SLC14A2: variants seen among roughly 807,000 people sequenced by gnomAD.
The protein encoded by SLC14A2 is solute carrier family 14 member 2, also known as urea transporter 2.
In SLC14A2, 91 loss-of-function variants were observed where a neutral mutation model predicts 104.6. The observed-to-expected ratio is 0.87, with a 90% CI of 0.73 to 1.04. The LOEUF (loss-of-function observed/expected upper bound fraction) is 1.04, where lower values mean the gene tolerates loss of function less well. Ranked by LOEUF, SLC14A2 falls within the 50% of genes least tolerant of loss-of-function variation. The pLI, the probability that SLC14A2 is intolerant of heterozygous loss-of-function variation, is 0.00. For synonymous variants in SLC14A2, 476 were observed against 466.4 expected (o/e 1.02, Z -0.27); for missense variants, 1,189 against 1,156.0 (o/e 1.03, Z -0.41).
At chr18:45,414,772 A>G (rs1424361051) in intron 1 of SLC14A2, among the ~76,000 whole-genome samples, 2 of 71,558 alleles carry the variant, frequency 2.8e-5, no homozygotes, top group Non-Finnish European at 5.9e-5. Flanking sequence ...ATATATATAT[A>G]TATATATATA....
At chr18:45,505,306 C>T (rs2043264760) in intron 2 of SLC14A2, among the ~76,000 whole-genome samples, 1 of 152,092 alleles carries the variant, frequency 6.6e-6, no homozygotes, top group African/African-American at 2.4e-5. Context: ...CCTGCCACAT[C>T]CTTGTGACAG....
intron 1 of SLC14A2, among the ~76,000 whole-genome samples, chr18:45,315,256 C>G (rs17815795): frequency 0.015 from 2,325 of 152,122 alleles, 32 homozygotes; most frequent in South Asian, 0.026. Flanking sequence ...ATCAAAGGCA[C>G]CAGAAAAGGC....
At chr18:45,272,892 C>T (rs570461709) in intron 1 of SLC14A2, among the ~76,000 whole-genome samples, 1 of 152,192 alleles carries the variant, frequency 6.6e-6, no homozygotes, top group South Asian at 2.1e-4. Flanking sequence ...ACCTACTGTG[C>T]ACACACAAAA....
intron 4 of SLC14A2, among the ~76,000 whole-genome samples, chr18:45,628,000 C>CAAAAAA (rs58009345): frequency 2.4e-4 from 20 of 83,474 alleles, no homozygotes; most frequent in Non-Finnish European, 2.7e-4. Context: ...AAGACTTTCT[C>CAAAAAA]AAAAAAAAAA....
chr18:45,258,714 A>C (rs1317711907), intron 1 of SLC14A2, among the ~76,000 whole-genome samples: 1 of 143,252 alleles, frequency 7.0e-6, no homozygotes, highest in African/African-American at 2.7e-5. Flanking sequence ...AACGTCATCC[A>C]CGTGGTCCTT....
chr18:45,626,837 G>T, intron 3 of SLC14A2, 121 bp from the exon 4 acceptor site: 2 of 631,818 alleles, frequency 3.2e-6, no homozygotes, highest in Non-Finnish European at 2.6e-6. Context: ...CCCCTGGCCT[G>T]GCTGAATGGG....
intron 1 of SLC14A2, among the ~76,000 whole-genome samples, chr18:45,384,287 T>C (rs571862032): frequency 6.6e-6 from 1 of 152,270 alleles, no homozygotes; most frequent in South Asian, 2.1e-4. Context: ...CTCCCGCAGT[T>C]GGTGATTTCA....
chr18:45,177,703 A>G, the SLC14A2 span, among the ~76,000 whole-genome samples: 1 of 152,088 alleles, frequency 6.6e-6, no homozygotes, highest in Admixed American at 6.6e-5. Context: ...ATTCACAACT[A>G]TATATTTGTG....
At chr18:45,254,265 A>G (rs546680082) in intron 1 of SLC14A2, among the ~76,000 whole-genome samples, 17 of 152,200 alleles carry the variant, frequency 1.1e-4, no homozygotes, top group Admixed American at 8.5e-4. Flanking sequence ...GTAAATTGTC[A>G]TGTCCTGTAT....
At chr18:45,473,633 T>C (rs1342607389) in intron 1 of SLC14A2, among the ~76,000 whole-genome samples, 1 of 152,202 alleles carries the variant, frequency 6.6e-6, no homozygotes, top group Non-Finnish European at 1.5e-5. Flanking sequence ...TTATTCTCTT[T>C]GTAGCAGTTG....
chr18:45,516,361 A>G (rs552621687), intron 2 of SLC14A2, among the ~76,000 whole-genome samples: 1 of 152,170 alleles, frequency 6.6e-6, no homozygotes, highest in African/African-American at 2.4e-5. Flanking sequence ...CCCCCTCCCA[A>G]ATTTGCCGCT....
chr18:45,583,637 C>A (rs2044528799), intron 2 of SLC14A2, among the ~76,000 whole-genome samples: 1 of 152,156 alleles, frequency 6.6e-6, no homozygotes, highest in African/African-American at 2.4e-5. Flanking sequence ...AAAACTCCCA[C>A]ACTCAACCTG....
chr18:45,298,145 T>TAAA (rs35633432), intron 1 of SLC14A2, among the ~76,000 whole-genome samples: 3 of 151,954 alleles, frequency 2.0e-5, no homozygotes, highest in African/African-American at 7.3e-5. Context: ...AGCATCTTTT[T>TAAA]AAAAAAATAT....
At chr18:45,324,854 AAT>A in intron 1 of SLC14A2, among the ~76,000 whole-genome samples, 1 of 152,178 alleles carries the variant, frequency 6.6e-6, no homozygotes. Flanking sequence ...AATATGTTGG[AAT>A]ATGTTTCAAC....
At chr18:45,677,632 G>T (rs2046248878) in intron 18 of SLC14A2, among the ~76,000 whole-genome samples, 1 of 152,184 alleles carries the variant, frequency 6.6e-6, no homozygotes, top group African/African-American at 2.4e-5. Flanking sequence ...AGTAAGTGCT[G>T]ACCTCTATTA....
intron 1 of SLC14A2, among the ~76,000 whole-genome samples, chr18:45,369,541 G>A (rs1041710660): frequency 1.3e-5 from 2 of 152,150 alleles, no homozygotes; most frequent in African/African-American, 4.8e-5. Flanking sequence ...GTGTTCCAAC[G>A]AGGATAAACT....
At chr18:45,320,903 A>T (rs75634331) in intron 1 of SLC14A2, among the ~76,000 whole-genome samples, 4,043 of 152,268 alleles carry the variant, frequency 0.027, 130 homozygotes, top group African/African-American at 0.076. Context: ...TGACTACAAC[A>T]TCATCTGCAT....
chr18:45,364,922 C>T (rs1036822995), intron 1 of SLC14A2, among the ~76,000 whole-genome samples: 1 of 152,146 alleles, frequency 6.6e-6, no homozygotes, highest in Non-Finnish European at 1.5e-5. Flanking sequence ...TGATCTGAAG[C>T]CCAGTTCTAG....
chr18:45,347,652 C>G (rs1393750654), intron 1 of SLC14A2, among the ~76,000 whole-genome samples: 1 of 152,172 alleles, frequency 6.6e-6, no homozygotes, highest in Non-Finnish European at 1.5e-5. Flanking sequence ...TACACTAAGT[C>G]TTTATATTGG....
Sources: gnomAD v4.1 joint callset for allele counts (sites outside exome capture counted in the v4.1 genomes callset) on GRCh38, gnomAD v4.1.1 for gene constraint, MANE v1.5 for transcripts, NCBI Gene and HGNC (gene_info 2026-07-23, HGNC 2026-07-21) for gene names.